The following ENPP3 variants were observed in gnomAD, a reference collection of about 807,000 sequenced individuals.
ENPP3 encodes the protein ectonucleotide pyrophosphatase/phosphodiesterase 3.
ENPP3 carries 104 observed loss-of-function variants against 117.8 expected under a neutral mutation model. The ratio of observed to expected loss-of-function variants is 0.88; its 90% CI spans 0.75 to 1.04. The LOEUF (loss-of-function observed/expected upper bound fraction) is 1.04. ENPP3 is among the 50% of genes least tolerant of loss of function. The probability of loss-of-function intolerance (pLI) is 0.00; values close to 1 mark genes in which losing one functional copy is unlikely to be tolerated. For synonymous variants in ENPP3, 380 were observed against 349.9 expected, an observed-to-expected ratio of 1.09 and a Z score of -0.96; for missense variants, 1,026 against 1,051.9, an observed-to-expected ratio of 0.98 and a Z score of 0.34.
chr6:131,726,676 T>A (rs960964322), intron 20 of ENPP3, among the ~76,000 whole-genome samples: 2 of 151,536 alleles, frequency 1.3e-5, no homozygotes, highest in African/African-American at 4.9e-5. Context: ...CTCTGAAGGA[T>A]CTGGCACTCC....
At chr6:131,725,064 A>G (rs1585721615) in intron 19 of ENPP3, among the ~76,000 whole-genome samples, 2 of 151,316 alleles carry the variant, frequency 1.3e-5, no homozygotes, top group African/African-American at 4.9e-5. Context: ...CAAAAAAAAA[A>G]AAAAAAAAAT....
intron 5 of ENPP3, among the ~76,000 whole-genome samples, chr6:131,653,613 G>T (rs558388505): frequency 2.0e-5 from 3 of 151,848 alleles, no homozygotes; most frequent in Non-Finnish European, 2.9e-5. Context: ...ATAGGGTCTC[G>T]CAATGTTGGC....
At chr6:131,655,759 G>A (rs1477578848) in intron 5 of ENPP3, among the ~76,000 whole-genome samples, 1 of 152,172 alleles carries the variant, frequency 6.6e-6, no homozygotes, top group Non-Finnish European at 1.5e-5. Flanking sequence ...TTGAGAGCTG[G>A]AGCAGCATCC....
At chr6:131,657,758 A>T (rs1302611016) in intron 5 of ENPP3, among the ~76,000 whole-genome samples, 1 of 152,206 alleles carries the variant, frequency 6.6e-6, no homozygotes, top group Non-Finnish European at 1.5e-5. Flanking sequence ...CAGGAAGCAC[A>T]AGCATCCTGA....
chr6:131,740,460 T>C, intron 24 of ENPP3, 80 bp downstream of exon 24: 1 of 1,140,058 alleles, frequency 8.8e-7, no homozygotes. Context: ...TGGCTCTGAC[T>C]AAAACATTTT....
intron 7 of ENPP3, 129 bp from the exon 8 acceptor site, chr6:131,674,033 C>A: frequency 1.7e-6 from 1 of 583,420 alleles, no homozygotes; most frequent in Non-Finnish European, 3.0e-6. Context: ...AGTTCAGGTC[C>A]AGGTGTTTTA....
intron 6 of ENPP3, among the ~76,000 whole-genome samples, chr6:131,668,160 T>G (rs988911246): frequency 4.0e-5 from 6 of 151,160 alleles, no homozygotes; most frequent in Middle Eastern, 6.9e-3. Context: ...AAGAATTTCA[T>G]AAGGACTACA....
intron 14 of ENPP3, among the ~76,000 whole-genome samples, chr6:131,690,090 G>A (rs1779243635): frequency 1.3e-5 from 2 of 152,208 alleles, no homozygotes. Flanking sequence ...CTAACCCTGT[G>A]AAGATGCCAT....
At chr6:131,685,590 C>T in intron 13 of ENPP3, 95 bp downstream of exon 13, 2 of 1,204,914 alleles carry the variant, frequency 1.7e-6, no homozygotes, top group Non-Finnish European at 2.4e-6. Context: ...GTTATCAGAC[C>T]CTCTACTGAC....
chr6:131,640,340 A>T (rs1778016070), intron 1 of ENPP3, among the ~76,000 whole-genome samples: 3 of 152,188 alleles, frequency 2.0e-5, no homozygotes, highest in Admixed American at 2.0e-4. Context: ...GTTATTTAGT[A>T]AATGCTTATG....
chr6:131,693,701 G>A, intron 15 of ENPP3, 77 bp downstream of exon 15: 9 of 1,385,744 alleles, frequency 6.5e-6, no homozygotes, highest in Non-Finnish European at 9.0e-6. Flanking sequence ...ACCTTACCCT[G>A]CTATTATCAT....
At chr6:131,693,128 C>T (rs946172809) in intron 14 of ENPP3, among the ~76,000 whole-genome samples, 2 of 146,338 alleles carry the variant, frequency 1.4e-5, no homozygotes, top group Non-Finnish European at 3.0e-5. Flanking sequence ...TACACACACA[C>T]ACACACACCC....
In ENPP3 at chr6:131,737,436, A is replaced by C; in HGVS notation, c.2167+4A>C. 3 of 1,485,834 alleles carry C rather than the reference A, an allele frequency of 2.0e-6. No homozygotes were observed. Among genetic ancestry groups the C allele is most frequent in the Non-Finnish European group, 2.8e-6 (3 of 1,066,760 alleles). 92.0% of individuals were successfully genotyped at this position (1,485,834 alleles called of 1,614,324 possible). A position where few individuals can be genotyped will look rare whatever the true frequency, so the allele number is the denominator to read the frequency against. ...CCTATGTATGAAGAATTCAGAAGTA[A>C]GTATGAATTTAGAGTATTAATTTTA... On this transcript the variant is annotated splice_donor_region_variant and intron_variant, in intron 22 of 24. Coordinates refer to ENST00000357639, the MANE Select transcript of ENPP3 (RefSeq NM_005021.5).
At chr6:131,717,351 GGTGTGTGTGTGTGTGTGTGTGTGTGTGT>G (rs71030754) in intron 15 of ENPP3, among the ~76,000 whole-genome samples, 1 of 89,422 alleles carries the variant, frequency 1.1e-5, no homozygotes, top group South Asian at 3.5e-4. Flanking sequence ...CCCTGCGGGG[GGTGTGTGTGTGTGTGTGTGTGTGTGTGT>G]GTGTGTGTGT....
At chr6:131,668,176 GT>G (rs571127589) in intron 6 of ENPP3, among the ~76,000 whole-genome samples, 28 of 111,052 alleles carry the variant, frequency 2.5e-4, no homozygotes, top group Admixed American at 1.6e-3. Context: ...CTACATTGTA[GT>G]TTTTTTTTGA....
chr6:131,722,994 G>A (rs1239771599), intron 18 of ENPP3, among the ~76,000 whole-genome samples: 1 of 152,122 alleles, frequency 6.6e-6, no homozygotes, highest in African/African-American at 2.4e-5. Context: ...AGGCCCCAAG[G>A]GCAAGGAGTC....
At position 131,655,958 on chromosome 6, in the gene ENPP3, A is replaced by G. The variant is rs1778375873; in HGVS notation, c.465-2365A>G. Among the ~76,000 whole-genome samples the G allele has an allele frequency of 3.3e-5, 5 of 152,194 alleles. No individual in the cohort carries two copies. In the South Asian group the frequency reaches 1.0e-3, roughly 32 times the overall value. Reference sequence around the variant, plus strand: ...ATCCCTGCATGGAAAATGGACAATGATGATTCTGCTCACTATGAATAATAA... The same window carrying G: ...ATCCCTGCATGGAAAATGGACAATGGTGATTCTGCTCACTATGAATAATAA... On this transcript the variant is annotated intron_variant, in intron 5 of 24. Transcript: ENST00000357639.
chr6:131,653,005 A>C, intron 5 of ENPP3, 114 bp downstream of exon 5: 1 of 656,456 alleles, frequency 1.5e-6, no homozygotes, highest in Non-Finnish European at 2.7e-6. Flanking sequence ...ATTTCAAAAC[A>C]GAATAGTCCA....
At chr6:131,737,041 C>T (rs1780411621) in intron 21 of ENPP3, among the ~76,000 whole-genome samples, 1 of 152,202 alleles carries the variant, frequency 6.6e-6, no homozygotes, top group Admixed American at 6.5e-5. Context: ...ACTGGATTTA[C>T]AGTCCACCCT....
Sources: allele counts gnomAD v4.1 joint callset (sites outside exome capture counted in the v4.1 genomes callset), GRCh38; gene constraint gnomAD v4.1.1; transcripts MANE v1.5; gene names NCBI Gene and HGNC (gene_info 2026-07-23, HGNC 2026-07-21).